NEK5: variants seen among roughly 807,000 people sequenced by gnomAD.
The protein encoded by NEK5 is serine/threonine-protein kinase Nek5.
NEK5 carries 88 observed loss-of-function variants against 109.2 expected under a neutral mutation model. That is an observed-to-expected ratio of 0.81 (90% CI 0.68 to 0.96). NEK5 has a LOEUF of 0.96. Ranked by LOEUF, NEK5 falls within the 40% of genes least tolerant of loss-of-function variation. NEK5 has a pLI of 0.00. For synonymous variants in NEK5, 283 were observed against 299.9 expected (o/e 0.94, Z 0.58); for missense variants, 834 against 920.7 (o/e 0.91, Z 1.22).
At chr13:52,084,762 A>AGCGT (rs1228944662) in intron 16 of NEK5, among the ~76,000 whole-genome samples, 1 of 47,384 alleles carries the variant, frequency 2.1e-5, no homozygotes, top group Non-Finnish European at 4.4e-5. Flanking sequence ...AGAGAGAGAG[A>AGCGT]GTGTGTGTGT....
chr13:52,125,848 G>A (rs569133250), intron 3 of NEK5, among the ~76,000 whole-genome samples: 13 of 152,156 alleles, frequency 8.5e-5, no homozygotes, highest in East Asian at 1.9e-4. Flanking sequence ...AAGCTATTGC[G>A]GGCCACTAGA....
intron 13 of NEK5, 81 bp downstream of exon 13, chr13:52,092,973 A>G: frequency 1.1e-6 from 1 of 932,334 alleles, no homozygotes; most frequent in Middle Eastern, 2.5e-4. Flanking sequence ...TGTTAGGAGA[A>G]TTTGGATTTC....
chr13:52,044,515 A>C (rs1434620328), intron 23 of NEK5, among the ~76,000 whole-genome samples: 3 of 152,110 alleles, frequency 2.0e-5, no homozygotes, highest in African/African-American at 7.2e-5. Flanking sequence ...ATCTACAAAC[A>C]AATTGTGGTA....
intron 23 of NEK5, among the ~76,000 whole-genome samples, chr13:52,039,331 T>G (rs111939960): frequency 1.1e-3 from 162 of 152,238 alleles, no homozygotes; most frequent in African/African-American, 3.7e-3. Context: ...GGATTGCCAG[T>G]CATCATGGAG....
intron 16 of NEK5, among the ~76,000 whole-genome samples, chr13:52,084,762 AGTGTGTGTGTGTGTGTGT>A (rs368429926): frequency 3.2e-4 from 15 of 47,412 alleles, no homozygotes; most frequent in East Asian, 3.0e-3. Context: ...AGAGAGAGAG[AGTGTGTGTGTGTGTGTGT>A]GTGTGTGTGT....
chr13:52,115,301 G>A (rs1017727036), intron 4 of NEK5, among the ~76,000 whole-genome samples: 3 of 150,838 alleles, frequency 2.0e-5, no homozygotes, highest in Admixed American at 2.0e-4. Flanking sequence ...GCGCCCGGCC[G>A]ACAGAGATAG....
At chr13:52,055,747 C>T (rs1954548726) in intron 22 of NEK5, among the ~76,000 whole-genome samples, 1 of 151,872 alleles carries the variant, frequency 6.6e-6, no homozygotes, top group Non-Finnish European at 1.5e-5. Flanking sequence ...CAAGCAAATG[C>T]TGAGAGATTT....
At position 52,112,323 on chromosome 13, in the gene NEK5, C is replaced by T. The variant is rs1035096069; in HGVS notation, c.257G>A (p.Gly86Glu). The stretch of plus-strand genomic sequence containing the variant: ...TCTATTGATCCTTTTCATGAGATCC[C>T]CTCCATCACAATATTCCATTACAAT... ...LFIVMEYCDG[G>E]DLMKRINRQR... Residue 86 changes from glycine to glutamate, a missense_variant, in exon 5 of 24, where the codon GGG (glycine) becomes GAG (glutamate). Physicochemically the swap from Gly to Glu is moderately conservative, Grantham distance 98. This residue lies in a region of NEK5 where 777 missense variants were observed against 824.7 expected (regional missense o/e 0.94). Transcript: ENST00000684899. 1 of 1,611,142 alleles carries T rather than the reference C, an allele frequency of 6.2e-7. No individual in the cohort carries two copies. Among genetic ancestry groups the T allele is most frequent in the Non-Finnish European group, 8.5e-7 (1 of 1,177,542 alleles).
rs1459176851 is a variant in NEK5, at chr13:52,064,292, G to A, written c.1975+1192C>T. 5.9e-5 allele frequency among the ~76,000 whole-genome samples: 8 copies of A among 134,820 alleles called. No homozygotes were observed. The South Asian group carries it at 7.1e-4, about 12-fold the overall frequency. 88.4% of individuals were successfully genotyped at this position (134,820 alleles called of 152,430 possible). On this transcript the variant is annotated intron_variant, in intron 21 of 23. Transcript: ENST00000684899. ...AGGTGAGGGGCGCCTCTGCCCGGCC[G>A]CCCCTACTGGGAAGTGAGGAGCCCC...
At chr13:52,083,149 A>G (rs1229592001) in intron 17 of NEK5, 111 bp downstream of exon 17, 5 of 388,050 alleles carry the variant, frequency 1.3e-5, no homozygotes, top group East Asian at 4.9e-5. Context: ...CGTCTCATAG[A>G]AAAAAAAAAA....
At chr13:52,058,922 G>A (rs1236608944) in intron 22 of NEK5, among the ~76,000 whole-genome samples, 3 of 149,494 alleles carry the variant, frequency 2.0e-5, no homozygotes, top group African/African-American at 7.4e-5. Flanking sequence ...AACACCAAAA[G>A]CAATGGCAAC....
intron 8 of NEK5, among the ~76,000 whole-genome samples, chr13:52,105,238 AGTGTGTGTGTGTGT>A (rs5803594): frequency 1.3e-5 from 2 of 148,152 alleles, no homozygotes; most frequent in South Asian, 2.2e-4. Flanking sequence ...TTTGTGCATG[AGTGTGTGTGTGTGT>A]GTGTGTGTGT....
At chr13:52,041,578 A>G (rs2140884833) in intron 23 of NEK5, among the ~76,000 whole-genome samples, 1 of 151,950 alleles carries the variant, frequency 6.6e-6, no homozygotes, top group Non-Finnish European at 1.5e-5. Flanking sequence ...AAATACAAAA[A>G]TTAGCTGGGC....
At chr13:52,096,250 T>C (rs963380932) in intron 12 of NEK5, among the ~76,000 whole-genome samples, 28 of 152,206 alleles carry the variant, frequency 1.8e-4, no homozygotes, top group African/African-American at 6.8e-4. Context: ...AGTGGGGTAT[T>C]GTATAAAGAT....
intron 3 of NEK5, 46 bp downstream of exon 3, chr13:52,127,320 C>A: frequency 1.0e-6 from 1 of 965,858 alleles, no homozygotes; most frequent in Non-Finnish European, 1.7e-6. Flanking sequence ...TAAAAGCCAG[C>A]TGAATATCCC....
chr13:52,123,358 G>T (rs566930447), intron 3 of NEK5, among the ~76,000 whole-genome samples: 35 of 152,242 alleles, frequency 2.3e-4, no homozygotes, highest in African/African-American at 7.9e-4. Context: ...AAAAATTGGT[G>T]CTCTATTAGA....
intron 19 of NEK5, among the ~76,000 whole-genome samples, chr13:52,074,407 G>A (rs1383135093): frequency 2.0e-5 from 3 of 152,160 alleles, no homozygotes; most frequent in African/African-American, 2.4e-5. Flanking sequence ...AATAAGTGGT[G>A]CTGGGATAGC....
At chr13:52,118,007 T>A (rs1003636749) in intron 4 of NEK5, among the ~76,000 whole-genome samples, 3 of 152,188 alleles carry the variant, frequency 2.0e-5, no homozygotes, top group Admixed American at 2.0e-4. Flanking sequence ...TTCCAGACCA[T>A]GTGTACTGTT....
At position 52,093,055 on chromosome 13, in the gene NEK5, A is replaced by G. The variant is rs568400564; in HGVS notation, c.1207T>C (p.Trp403Arg). 1 of 1,605,058 alleles carries G rather than the reference A, an allele frequency of 6.2e-7. No homozygotes were observed. Among genetic ancestry groups the G allele is most frequent in the South Asian group, 1.1e-5 (1 of 90,458 alleles). ...GCTTAAGCTAGACCACAATATTACC[A>G]TTGACTTGGGGATGGACCATGCCTC... ...ETRHGPSPSQ[W>R]PAEYLQRKFE... The change falls in exon 13 of 24, where the codon TGG (tryptophan) becomes CGG (arginine). Residue 403 changes from tryptophan to arginine, a missense_variant and splice_region_variant. Transcript: ENST00000684899.
Sources: allele counts gnomAD v4.1 joint callset (sites outside exome capture counted in the v4.1 genomes callset), GRCh38; gene constraint gnomAD v4.1.1; regional missense constraint gnomAD v4.1.1; transcripts MANE v1.5; gene names NCBI Gene and HGNC (gene_info 2026-07-23, HGNC 2026-07-21).